The following ZC3H4 variants were observed in gnomAD, a reference collection of about 807,000 sequenced individuals.
The protein encoded by ZC3H4 is zinc finger CCCH domain-containing protein 4.
Under a neutral mutation model 108.3 loss-of-function variants are expected in ZC3H4, and 13 were observed. The ratio of observed to expected loss-of-function variants is 0.12; its 90% CI spans 0.08 to 0.19. ZC3H4 has a LOEUF of 0.19. Ranked by LOEUF, ZC3H4 falls within the 10% of genes least tolerant of loss-of-function variation. The pLI is 1.00. For synonymous variants in ZC3H4, 917 were observed against 749.6 expected (o/e 1.22, Z -3.65); for missense variants, 1,734 against 1,838.8 (o/e 0.94, Z 1.04).
chr19:47,107,377 G>A (rs973181496), intron 2 of ZC3H4, among the ~76,000 whole-genome samples: 1 of 152,156 alleles, frequency 6.6e-6, no homozygotes, highest in Non-Finnish European at 1.5e-5. Flanking sequence ...ACCCTGAGAA[G>A]TGGGCATTTT....
intron 2 of ZC3H4, chr19:47,112,213 A>AGG: frequency 2.6e-6 from 3 of 1,166,722 alleles, no homozygotes; most frequent in Non-Finnish European, 3.2e-6. Flanking sequence ...GAGCGCCGCG[A>AGG]GGGGGGGGAA....
At chr19:47,091,217 A>G (rs987304471) in intron 4 of ZC3H4, among the ~76,000 whole-genome samples, 2 of 152,126 alleles carry the variant, frequency 1.3e-5, no homozygotes, top group African/African-American at 4.8e-5. Context: ...GGTTGTAGTG[A>G]GCAGAGACTG....
In ZC3H4 at chr19:47,094,094, G is replaced by C. The variant is rs766716152; in HGVS notation, c.382-14C>G. The stretch of plus-strand genomic sequence containing the variant: ...AGAAGCATGGCGCTGTAATGACAGG[G>C]GAAGGAGACTCAGCAACCTGCCACA... On this transcript the variant is annotated splice_polypyrimidine_tract_variant and intron_variant, in intron 3 of 14. Coordinates refer to ENST00000253048, the MANE Select transcript of ZC3H4 (RefSeq NM_015168.2). 3 of 1,612,036 alleles carry C rather than the reference G, an allele frequency of 1.9e-6. No homozygotes were observed. In the African/African-American group the frequency reaches 4.0e-5, roughly 22 times the overall value.
chr19:47,093,916 A>T, intron 4 of ZC3H4, 54 bp downstream of exon 4: 1 of 1,490,442 alleles, frequency 6.7e-7, no homozygotes, highest in African/African-American at 1.4e-5. Context: ...AAGAAACACA[A>T]GCAGTTGAAC....
rs776187392 is a variant in ZC3H4 at position 47,066,451 on chromosome 19, C to T, written c.3817G>A (p.Gly1273Arg). Reference sequence around the variant, plus strand: ...TCACCCTCGCGGGCCGGACTGTTCCCAGCAAATGGGCTTCCTGAGCCCGTC... The same window carrying T: ...TCACCCTCGCGGGCCGGACTGTTCCTAGCAAATGGGCTTCCTGAGCCCGTC... ...PKTGSGSPFA[G>R]NSPAREGEQD... is the part of the protein sequence containing the mutation. Residue 1273 changes from glycine to arginine, a missense_variant, in exon 15 of 15, where the codon GGG (glycine) becomes AGG (arginine). Gly to Arg is a moderately radical substitution (Grantham distance 125, BLOSUM62 -2). Around this residue, in one of 9 missense-constraint regions of ZC3H4, gnomAD observed 518 missense variants for 499.6 expected, o/e 1.04. Transcript: ENST00000253048. The T allele has an allele frequency of 1.3e-6, 2 of 1,580,078 alleles. No homozygotes were observed. The highest frequency in any genetic ancestry group is 1.7e-6 in the Non-Finnish European group (2 of 1,164,014).
rs1347543861 is a variant in ZC3H4 at position 47,064,782 on chromosome 19, C to G, written c.*1574G>C. 2 of 151,640 alleles carry G rather than the reference C, an allele frequency of 1.3e-5. No homozygotes were observed. The highest frequency in any genetic ancestry group is 4.9e-5 in the African/African-American group (2 of 41,216). 9.4% of individuals were successfully genotyped at this position (151,640 alleles called of 1,614,324 possible). On this transcript the variant is annotated 3_prime_UTR_variant, in exon 15 of 15. Coordinates refer to ENST00000253048, the MANE Select transcript of ZC3H4 (RefSeq NM_015168.2). ...CCAACCAACCAGATCCCAGCACTGA[C>G]CCCTCAGGGCTGTGCAGCCCTGTAG...
chr19:47,087,271 G>GTC (rs1466778662), intron 5 of ZC3H4, among the ~76,000 whole-genome samples: 2 of 146,660 alleles, frequency 1.4e-5, no homozygotes, highest in East Asian at 2.0e-4. Flanking sequence ...GTGAGACCCC[G>GTC]TCTCTCACAC....
Position 47,066,245 on chromosome 19 carries a change from G to C in ZC3H4, c.*111C>G. 1 of 810,828 alleles carries C rather than the reference G, an allele frequency of 1.2e-6. No homozygotes were observed. The highest frequency in any genetic ancestry group is 1.8e-6 in the Non-Finnish European group (1 of 557,746). 50.2% of individuals were successfully genotyped at this position (810,828 alleles called of 1,614,324 possible). On this transcript the variant is annotated 3_prime_UTR_variant, in exon 15 of 15. Coordinates refer to ENST00000253048, the MANE Select transcript of ZC3H4 (RefSeq NM_015168.2). ...GACGGAAAGCAAAAGAAAAAGAAAAGAAAAAAGGAACACCCAGCCTGCCTC... is the reference window on the plus strand; with the variant it reads ...GACGGAAAGCAAAAGAAAAAGAAAACAAAAAAGGAACACCCAGCCTGCCTC...
intron 4 of ZC3H4, among the ~76,000 whole-genome samples, chr19:47,093,496 G>A (rs1328325823): frequency 6.6e-6 from 1 of 152,232 alleles, no homozygotes; most frequent in African/African-American, 2.4e-5. Context: ...AAGGCCGCAT[G>A]GAGGAGGCTC....
intron 3 of ZC3H4, 23 bp downstream of exon 3, chr19:47,094,366 G>C (rs748198912): frequency 6.2e-7 from 1 of 1,612,902 alleles, no homozygotes. Context: ...GGCAGTGGCA[G>C]TCCCAGGGGA....
intron 9 of ZC3H4, 42 bp downstream of exon 9, chr19:47,084,303 G>T: frequency 6.3e-7 from 1 of 1,583,192 alleles, no homozygotes; most frequent in Non-Finnish European, 8.7e-7. Flanking sequence ...TCCTCTGGGG[G>T]CTATGGCCTC....
chr19:47,110,223 GA>G (rs1568571946), intron 2 of ZC3H4, among the ~76,000 whole-genome samples: 1 of 152,008 alleles, frequency 6.6e-6, no homozygotes, highest in Non-Finnish European at 1.5e-5. Flanking sequence ...GAGTGGGGGG[GA>G]GGGGAACCAT....
rs546413565 is a variant in ZC3H4, at chr19:47,066,800, C to A, written c.3468G>T (p.Ala1156=). 3.1e-6 allele frequency: 5 copies of A among 1,600,252 alleles called. No individual in the cohort carries two copies. Among genetic ancestry groups the A allele is most frequent in the Non-Finnish European group, 4.2e-6 (5 of 1,178,414 alleles). Residue 1156 remains alanine (A), a synonymous_variant, in exon 15 of 15, where the codon GCG becomes GCT. Transcript: ENST00000253048. ...CAGCCGGCTCTGTGGCTTTGCCCCC[C>A]GCGTTGGGAGTCCTCGGGTCGTAGA... ...ISLYDPRTPN[A]GGKATEPAAD... is the part of the protein sequence containing the mutation.
At chr19:47,106,193 A>G (rs1004456382) in intron 2 of ZC3H4, among the ~76,000 whole-genome samples, 9 of 152,162 alleles carry the variant, frequency 5.9e-5, no homozygotes, top group African/African-American at 2.2e-4. Context: ...TAGGAGATGA[A>G]CTCAAGAATC....
rs1256722311 is a variant in ZC3H4, at chr19:47,066,553, C to CG, written c.3714dup (p.Glu1239ArgfsTer43). On this transcript the variant is annotated frameshift_variant, in exon 15 of 15. Coordinates refer to ENST00000253048, the MANE Select transcript of ZC3H4 (RefSeq NM_015168.2). LOFTEE classifies it high-confidence loss of function. ...ACCCCGGGCTGGGGTGGGGCACCCT[C>CG]GGGGGGTGGGGTGGCGGTGGTGGCA... is the stretch of plus-strand genomic sequence containing the variant. 1 of 1,297,352 alleles carries CG rather than the reference C, an allele frequency of 7.7e-7. No individual in the cohort carries two copies. The highest frequency in any genetic ancestry group is 1.0e-6 in the Non-Finnish European group (1 of 959,518). 80.4% of individuals were successfully genotyped at this position (1,297,352 alleles called of 1,614,324 possible).
intron 2 of ZC3H4, among the ~76,000 whole-genome samples, chr19:47,106,721 T>C (rs566895042): frequency 1.3e-5 from 2 of 152,340 alleles, no homozygotes; most frequent in South Asian, 4.1e-4. Flanking sequence ...GTAACAACCC[T>C]AGCCCGACTC....
rs778114616 is a variant in ZC3H4, at chr19:47,085,124, C to T, written c.1039G>A (p.Gly347Ser). The change falls in exon 8 of 15, where the codon GGC becomes AGC. Residue 347 changes from glycine (G) to serine (S), a missense_variant. Gly to Ser is a moderately conservative substitution (Grantham distance 56). Transcript: ENST00000253048. ...KGMGRGRGRG[G>S]SRGGMNKGGM... ...CCCTTGTTCATCCCTCCTCGGCTGC[C>T]ACCTCGGCCTCGGCCCCGACCCATT... 6.2e-7 allele frequency: 1 copy of T among 1,614,114 alleles called. No homozygotes were observed. The highest frequency in any genetic ancestry group is 1.1e-5 in the South Asian group (1 of 91,088).
At chr19:47,077,541 A>T (rs936602350) in intron 11 of ZC3H4, among the ~76,000 whole-genome samples, 2 of 151,554 alleles carry the variant, frequency 1.3e-5, no homozygotes, top group African/African-American at 4.8e-5. Context: ...TGCTTAAAGC[A>T]CTCAGATAAA....
At position 47,065,883 on chromosome 19, in the gene ZC3H4, C is replaced by G. The variant is rs568008593; in HGVS notation, c.*473G>C. ...CCTAGGGTTCTAGAAACGCCTGGAC[C>G]TGCTTCCACGCAGGCCCTGCCATGG... On this transcript the variant is annotated 3_prime_UTR_variant, in exon 15 of 15. Transcript: ENST00000253048. 1.3e-5 allele frequency: 2 copies of G among 154,436 alleles called. No individual in the cohort carries two copies. The highest frequency in any genetic ancestry group is 4.8e-5 in the African/African-American group (2 of 41,680). The allele number at this position is 154,436 out of a possible 1,614,324, so 9.6% of individuals were successfully genotyped here. A position where few individuals can be genotyped will look rare whatever the true frequency, so the allele number is the denominator to read the frequency against.
Sources: allele counts gnomAD v4.1 joint callset (sites outside exome capture counted in the v4.1 genomes callset), GRCh38; gene constraint gnomAD v4.1.1; regional missense constraint gnomAD v4.1.1; transcripts MANE v1.5; gene names NCBI Gene and HGNC (gene_info 2026-07-23, HGNC 2026-07-21).